The following STPG2 variants were observed in gnomAD, a reference collection of about 807,000 sequenced individuals.
STPG2 encodes sperm-tail PG-rich repeat-containing protein 2.
Under a neutral mutation model 54.2 loss-of-function variants are expected in STPG2, and 56 were observed. The observed-to-expected ratio is 1.03, with a 90% CI of 0.83 to 1.29. The LOEUF is 1.29. STPG2 is among the 50% of genes most tolerant of loss of function. The probability of loss-of-function intolerance (pLI) is 0.00; values close to 1 mark genes in which losing one functional copy is unlikely to be tolerated. For synonymous variants in STPG2, 200 were observed against 181.8 expected (o/e 1.10, Z -0.81); for missense variants, 596 against 544.9 (o/e 1.09, Z -0.93).
intron 5 of STPG2, among the ~76,000 whole-genome samples, chr4:97,995,962 C>G (rs1460352395): frequency 1.3e-5 from 2 of 152,148 alleles, no homozygotes; most frequent in Admixed American, 1.3e-4. Context: ...AAAAAAAATT[C>G]CATGCTCTGA....
rs1722640234 is a variant in STPG2, at chr4:97,669,721, G to A, written c.1320+42978C>T. On this transcript the variant is annotated intron_variant, in intron 10 of 10. Transcript: ENST00000295268. The stretch of plus-strand genomic sequence containing the variant: ...TGAGGCAGGAGAATGGCGTGAACCC[G>A]GGAAGCGGAGCTTGCAGTGAGCCGA... 5.3e-5 allele frequency among the ~76,000 whole-genome samples: 2 copies of A among 37,618 alleles called. 1 individual carries two copies. 24.7% of individuals were successfully genotyped at this position (37,618 alleles called of 152,430 possible).
intron 10 of STPG2, among the ~76,000 whole-genome samples, chr4:97,674,571 C>A (rs1426390182): frequency 6.6e-6 from 1 of 152,132 alleles, no homozygotes; most frequent in Non-Finnish European, 1.5e-5. Flanking sequence ...GGTGCTGAAT[C>A]CTCTACAATC....
intron 4 of STPG2, among the ~76,000 whole-genome samples, chr4:97,469,644 T>C (rs1729875162): frequency 6.6e-6 from 1 of 151,716 alleles, no homozygotes; most frequent in Admixed American, 6.6e-5. Context: ...TCATGAGATA[T>C]AAAATTAGTT....
intron 5 of STPG2, among the ~76,000 whole-genome samples, chr4:98,103,274 TTATTAA>T (rs1429953903): frequency 6.6e-6 from 1 of 152,158 alleles, no homozygotes; most frequent in Non-Finnish European, 1.5e-5. Flanking sequence ...GTACATACAC[TTATTAA>T]TAGTAATAAA....
At chr4:97,923,429 G>T (rs2149211923) in intron 8 of STPG2, among the ~76,000 whole-genome samples, 1 of 152,346 alleles carries the variant, frequency 6.6e-6, no homozygotes, top group East Asian at 1.9e-4. Flanking sequence ...GGACTGGCAG[G>T]CAGCTCCACC....
chr4:97,927,434 A>T (rs1301978414), intron 8 of STPG2, among the ~76,000 whole-genome samples: 2 of 152,052 alleles, frequency 1.3e-5, no homozygotes, highest in Non-Finnish European at 2.9e-5. Context: ...CACTAACCTG[A>T]TAGTCAACTT....
chr4:97,977,178 C>T (rs1734527091), intron 6 of STPG2, among the ~76,000 whole-genome samples: 1 of 152,146 alleles, frequency 6.6e-6, no homozygotes, highest in Non-Finnish European at 1.5e-5. Flanking sequence ...GCTTAACTTC[C>T]CTTTTACTTC....
chr4:97,599,518 G>C (rs764568635), intron 10 of STPG2, among the ~76,000 whole-genome samples: 12 of 152,094 alleles, frequency 7.9e-5, no homozygotes, highest in Admixed American at 2.0e-4. Flanking sequence ...TGGTAGATTG[G>C]ATAAAGAAAA....
Position 98,039,370 on chromosome 4 carries a change from T to A in STPG2, c.613-58052A>T, listed in dbSNP as rs189309378. Reference sequence around the variant, plus strand: ...AAAATATTTAAAATATGACCATTTATTTAACTTTCTAAATAGATCATTTGT... The same window carrying A: ...AAAATATTTAAAATATGACCATTTAATTAACTTTCTAAATAGATCATTTGT... On this transcript the variant is annotated intron_variant, in intron 5 of 10. Transcript: ENST00000295268. 2.5e-3 allele frequency among the ~76,000 whole-genome samples: 157 copies of A among 63,406 alleles called. 3 individuals carry two copies. The highest frequency in any genetic ancestry group is 0.01 in the African/African-American group (152 of 14,796). The allele number at this position is 63,406 out of a possible 152,430, so 41.6% of individuals were successfully genotyped here.
At chr4:98,011,056 T>C (rs1209866805) in intron 5 of STPG2, among the ~76,000 whole-genome samples, 3 of 152,120 alleles carry the variant, frequency 2.0e-5, no homozygotes, top group East Asian at 1.9e-4. Flanking sequence ...ACCCATCATC[T>C]AGTTTTAAAG....
chr4:97,997,143 G>C (rs1012077552), intron 5 of STPG2, among the ~76,000 whole-genome samples: 2 of 152,196 alleles, frequency 1.3e-5, no homozygotes, highest in Non-Finnish European at 2.9e-5. Context: ...GCATGCATAT[G>C]ATCACTGCAG....
In STPG2 at chr4:98,072,355, C is replaced by T. The variant is rs766146464; in HGVS notation, c.612+33598G>A. Among the ~76,000 whole-genome samples the T allele has an allele frequency of 2.0e-5, 3 of 151,962 alleles. 1 individual carries two copies. The highest frequency in any genetic ancestry group is 4.1e-4 in the South Asian group (2 of 4,830). On this transcript the variant is annotated intron_variant, in intron 5 of 10. Transcript: ENST00000295268. ...TTCTCACTTTCAAGTGGGAGCTAAA[C>T]GATGAGAACAAATGGACACATGGCA...
chr4:98,114,437 A>T (rs1309161225), intron 3 of STPG2, among the ~76,000 whole-genome samples: 2 of 152,108 alleles, frequency 1.3e-5, no homozygotes, highest in Non-Finnish European at 2.9e-5. Context: ...ACAAGAACAT[A>T]TCTAATATGT....
intron 10 of STPG2, among the ~76,000 whole-genome samples, chr4:97,667,912 A>C (rs1722577048): frequency 1.3e-5 from 2 of 152,180 alleles, no homozygotes; most frequent in African/African-American, 4.8e-5. Context: ...CCTTTTTTAC[A>C]TAAAAGAAAA....
chr4:97,846,423 G>A (rs191835171), intron 8 of STPG2, among the ~76,000 whole-genome samples: 31 of 151,888 alleles, frequency 2.0e-4, no homozygotes, highest in African/African-American at 6.8e-4. Context: ...TCAGGAGTTC[G>A]AGACCAGCCT....
intron 5 of STPG2, among the ~76,000 whole-genome samples, chr4:98,024,729 A>C (rs1005067212): frequency 6.6e-6 from 1 of 152,224 alleles, no homozygotes; most frequent in Non-Finnish European, 1.5e-5. Context: ...ATTTCATGAC[A>C]GAATTTTACT....
intron 10 of STPG2, among the ~76,000 whole-genome samples, chr4:97,597,862 T>C (rs1008555418): frequency 1.3e-5 from 2 of 151,932 alleles, no homozygotes; most frequent in Non-Finnish European, 2.9e-5. Context: ...CTGTCCAAAA[T>C]AGTATTGGAA....
intron 8 of STPG2, among the ~76,000 whole-genome samples, chr4:97,895,678 C>A (rs1730929197): frequency 6.6e-6 from 1 of 151,658 alleles, no homozygotes; most frequent in East Asian, 1.9e-4. Flanking sequence ...TAATAAAATC[C>A]CCTTCCCTTG....
intron 9 of STPG2, among the ~76,000 whole-genome samples, chr4:97,768,030 G>A (rs1368369105): frequency 5.9e-5 from 9 of 152,174 alleles, no homozygotes; most frequent in Non-Finnish European, 1.0e-4. Context: ...TAGCGGGCGT[G>A]GTGGCGGGCG....
Sources: allele counts gnomAD v4.1 joint callset (sites outside exome capture counted in the v4.1 genomes callset), GRCh38; gene constraint gnomAD v4.1.1; transcripts MANE v1.5; gene names NCBI Gene and HGNC (gene_info 2026-07-23, HGNC 2026-07-21).